DYM: variants seen among roughly 807,000 people sequenced by gnomAD.
The protein encoded by DYM is dymeclin.
In DYM, 78 loss-of-function variants were observed where a neutral mutation model predicts 93.1. That is an observed-to-expected ratio of 0.84 (90% CI 0.70 to 1.01). The LOEUF (loss-of-function observed/expected upper bound fraction) is 1.01. DYM is among the 50% of genes least tolerant of loss of function. The probability of loss-of-function intolerance (pLI) is 0.00; values close to 1 mark genes in which losing one functional copy is unlikely to be tolerated. For synonymous variants in DYM, 321 were observed against 319.7 expected (o/e 1.00, Z -0.04); for missense variants, 789 against 845.0 (o/e 0.93, Z 0.82).
intron 2 of DYM, among the ~76,000 whole-genome samples, chr18:49,428,621 G>A (rs1292506818): frequency 6.6e-6 from 1 of 152,198 alleles, no homozygotes; most frequent in African/African-American, 2.4e-5. Flanking sequence ...AGGAGGCAGA[G>A]TTTGCAGTGA....
intron 2 of DYM, among the ~76,000 whole-genome samples, chr18:49,423,882 C>T (rs185722005): frequency 3.9e-5 from 6 of 152,272 alleles, no homozygotes; most frequent in African/African-American, 1.4e-4. Context: ...CAATAACAGG[C>T]TCTGAAATTG....
At chr18:49,378,493 A>G in intron 5 of DYM, 74 bp downstream of exon 5, 1 of 1,392,846 alleles carries the variant, frequency 7.2e-7, no homozygotes, top group East Asian at 2.3e-5. Flanking sequence ...TCAAAATCAT[A>G]CTTTTATTCC....
intron 13 of DYM, 53 bp downstream of exon 13, chr18:49,256,957 C>T (rs2094403439): frequency 6.8e-7 from 1 of 1,466,974 alleles, no homozygotes; most frequent in Non-Finnish European, 9.5e-7. Context: ...TAGTATCCAT[C>T]TTAATAGCTC....
intron 14 of DYM, among the ~76,000 whole-genome samples, chr18:49,182,619 T>C (rs1012208879): frequency 6.6e-6 from 1 of 152,062 alleles, no homozygotes; most frequent in Non-Finnish European, 1.5e-5. Context: ...AGTGATATGG[T>C]TGCATTTATA....
chr18:49,175,067 A>G (rs1028225940), intron 14 of DYM, among the ~76,000 whole-genome samples: 2 of 152,150 alleles, frequency 1.3e-5, no homozygotes, highest in African/African-American at 4.8e-5. Context: ...ATGTCATCTT[A>G]ATTATTTGTT....
At chr18:49,180,444 A>G (rs2089820551) in intron 14 of DYM, among the ~76,000 whole-genome samples, 2 of 152,174 alleles carry the variant, frequency 1.3e-5, no homozygotes, top group African/African-American at 4.8e-5. Context: ...TCAGTAACCT[A>G]TATGGACAGT....
chr18:49,389,811 G>C (rs1946085369), intron 3 of DYM, among the ~76,000 whole-genome samples: 1 of 152,070 alleles, frequency 6.6e-6, no homozygotes, highest in African/African-American at 2.4e-5. Context: ...TTACAGGCAT[G>C]AGCCACCACT....
chr18:49,145,134 T>A (rs182067084), intron 15 of DYM, among the ~76,000 whole-genome samples: 1,098 of 79,442 alleles, frequency 0.014, 129 homozygotes, highest in African/African-American at 0.033. Flanking sequence ...TATATATATA[T>A]AATTTATATA....
intron 8 of DYM, among the ~76,000 whole-genome samples, chr18:49,310,500 A>C (rs1246514547): frequency 6.6e-6 from 1 of 152,230 alleles, no homozygotes; most frequent in Non-Finnish European, 1.5e-5. Context: ...ATGCATATAC[A>C]TGTGAAAGAG....
chr18:49,169,452 G>A lies in DYM; in HGVS notation c.1626-5665C>T, dbSNP rs574024229. On this transcript the variant is annotated intron_variant, in intron 14 of 17. Transcript: ENST00000675505. The stretch of plus-strand genomic sequence containing the variant: ...CAGCAGAGCACAGCAATGAGGCTGG[G>A]TAGCAGTGAGGATGGCTTATCAACT... Among the ~76,000 whole-genome samples the A allele has an allele frequency of 2.6e-5, 4 of 152,346 alleles. No homozygotes were observed. The South Asian group carries it at 6.2e-4, about 24-fold the overall frequency.
chr18:49,363,323 TACAA>T (rs1459027617), intron 5 of DYM, 90 bp from the exon 6 acceptor site: 3 of 886,674 alleles, frequency 3.4e-6, no homozygotes, highest in African/African-American at 1.7e-5. Flanking sequence ...CTAATGAGAA[TACAA>T]ACAGTTATCA....
At chr18:49,282,217 C>G (rs1161007295) in intron 9 of DYM, 42 bp from the exon 10 acceptor site, 2 of 1,536,444 alleles carry the variant, frequency 1.3e-6, no homozygotes, top group Admixed American at 3.3e-5. Flanking sequence ...TCTAGCTGTG[C>G]TTTATATAAA....
intron 17 of DYM, among the ~76,000 whole-genome samples, chr18:49,089,073 C>G (rs1027062755): frequency 6.6e-6 from 1 of 152,168 alleles, no homozygotes; most frequent in Admixed American, 6.5e-5. Flanking sequence ...GCTGGGATTA[C>G]AGGTATGAGT....
chr18:49,172,523 T>C (rs1481411637), intron 14 of DYM, among the ~76,000 whole-genome samples: 1 of 152,232 alleles, frequency 6.6e-6, no homozygotes, highest in East Asian at 1.9e-4. Flanking sequence ...ATTTTCCAAA[T>C]GAGTTTTCTA....
At chr18:49,046,769 G>T (rs1196681735) in intron 17 of DYM, among the ~76,000 whole-genome samples, 1 of 152,004 alleles carries the variant, frequency 6.6e-6, no homozygotes, top group African/African-American at 2.4e-5. Flanking sequence ...ATGTGATGGC[G>T]CATGTCTGTA....
chr18:49,330,980 T>A (rs548177066), intron 8 of DYM, among the ~76,000 whole-genome samples: 1 of 152,286 alleles, frequency 6.6e-6, no homozygotes, highest in Non-Finnish European at 1.5e-5. Context: ...TTTGAAGAGG[T>A]CTCTGAATCC....
chr18:49,304,277 T>A (rs536354574), intron 8 of DYM, among the ~76,000 whole-genome samples: 9 of 152,094 alleles, frequency 5.9e-5, no homozygotes, highest in Non-Finnish European at 1.0e-4. Context: ...ACCCTTCAAG[T>A]AGGACACCCA....
At chr18:49,160,030 A>G (rs187518408) in intron 15 of DYM, among the ~76,000 whole-genome samples, 29 of 152,272 alleles carry the variant, frequency 1.9e-4, no homozygotes, top group Non-Finnish European at 2.9e-4. Context: ...TTAAAAAAAA[A>G]TCTGTTGAAA....
intron 5 of DYM, among the ~76,000 whole-genome samples, chr18:49,366,166 A>T (rs1044278583): frequency 6.6e-6 from 1 of 152,200 alleles, no homozygotes; most frequent in African/African-American, 2.4e-5. Context: ...AAGATTGACA[A>T]GATTTGACTG....
Sources: allele counts gnomAD v4.1 joint callset (sites outside exome capture counted in the v4.1 genomes callset), GRCh38; gene constraint gnomAD v4.1.1; transcripts MANE v1.5; gene names NCBI Gene and HGNC (gene_info 2026-07-23, HGNC 2026-07-21).